SPATA17: variants seen among roughly 807,000 people sequenced by gnomAD.
SPATA17 encodes spermatogenesis associated 17.
Under a neutral mutation model 62.2 loss-of-function variants are expected in SPATA17, and 53 were observed. The ratio of observed to expected loss-of-function variants is 0.85; its 90% CI spans 0.68 to 1.07. The LOEUF is 1.07. SPATA17 is among the 50% of genes least tolerant of loss of function. The pLI is 0.00. For synonymous variants in SPATA17, 146 were observed against 146.8 expected (o/e 0.99, Z 0.04); for missense variants, 466 against 425.5 (o/e 1.10, Z -0.84).
At chr1:217,854,699 G>A (rs978661296) in intron 9 of SPATA17, among the ~76,000 whole-genome samples, 6 of 151,370 alleles carry the variant, frequency 4.0e-5, no homozygotes, top group Non-Finnish European at 7.4e-5. Flanking sequence ...CTACTAGCTG[G>A]AAAAAAAAAG....
chr1:217,782,404 A>G (rs1673752461), intron 8 of SPATA17, 82 bp downstream of exon 8: 1 of 1,388,868 alleles, frequency 7.2e-7, no homozygotes, highest in Admixed American at 2.8e-5. Flanking sequence ...TAATACTGTA[A>G]AAAATCTTTT....
At chr1:217,721,598 G>A (rs1672128708) in intron 5 of SPATA17, among the ~76,000 whole-genome samples, 1 of 152,104 alleles carries the variant, frequency 6.6e-6, no homozygotes, top group Non-Finnish European at 1.5e-5. Context: ...TGCAGACTTT[G>A]ATTCAAGGTT....
At chr1:217,674,808 C>A (rs1308048667) in intron 4 of SPATA17, among the ~76,000 whole-genome samples, 1 of 152,186 alleles carries the variant, frequency 6.6e-6, no homozygotes, top group Non-Finnish European at 1.5e-5. Context: ...TGATGTGGAG[C>A]AGATGCCTGA....
At chr1:217,777,621 C>G (rs1267966223) in intron 7 of SPATA17, among the ~76,000 whole-genome samples, 1 of 152,132 alleles carries the variant, frequency 6.6e-6, no homozygotes, top group Non-Finnish European at 1.5e-5. Flanking sequence ...AGGCCGGTCT[C>G]CAACTCCTGA....
At chr1:217,838,787 A>G (rs1675320557) in intron 9 of SPATA17, among the ~76,000 whole-genome samples, 1 of 152,040 alleles carries the variant, frequency 6.6e-6, no homozygotes, top group Non-Finnish European at 1.5e-5. Flanking sequence ...CTATATTTCT[A>G]AATATGTAGG....
chr1:217,683,437 T>C (rs1227532481), intron 5 of SPATA17, 76 bp downstream of exon 5: 3 of 973,898 alleles, frequency 3.1e-6, no homozygotes, highest in Non-Finnish European at 4.8e-6. Flanking sequence ...AACACCATAG[T>C]TAGAAATATT....
chr1:217,775,570 G>A (rs1673567877), intron 7 of SPATA17, among the ~76,000 whole-genome samples: 1 of 151,948 alleles, frequency 6.6e-6, no homozygotes. Flanking sequence ...GGACATGGTG[G>A]TGCACCCTGT....
chr1:217,749,894 G>A (rs72728828), intron 6 of SPATA17, among the ~76,000 whole-genome samples: 59,279 of 142,454 alleles, frequency 0.42, 13,936 homozygotes, highest in Non-Finnish European at 0.54. Context: ...CTCAATATGA[G>A]CATACTGATA....
At chr1:217,760,774 A>G (rs563067133) in intron 6 of SPATA17, among the ~76,000 whole-genome samples, 2 of 152,314 alleles carry the variant, frequency 1.3e-5, no homozygotes, top group East Asian at 1.9e-4. Flanking sequence ...TTTCAGCACC[A>G]AATTATCTTG....
chr1:217,698,127 C>T (rs929418586), intron 5 of SPATA17, among the ~76,000 whole-genome samples: 33 of 152,026 alleles, frequency 2.2e-4, no homozygotes, highest in African/African-American at 7.7e-4. Context: ...GAAACCCTGT[C>T]TCTAAATTTT....
At chr1:217,832,647 T>A (rs532208578) in intron 9 of SPATA17, among the ~76,000 whole-genome samples, 9 of 152,234 alleles carry the variant, frequency 5.9e-5, no homozygotes, top group African/African-American at 1.9e-4. Flanking sequence ...CACATAAAAA[T>A]AAAGTTTACT....
intron 5 of SPATA17, among the ~76,000 whole-genome samples, chr1:217,698,155 C>A (rs1414692245): frequency 4.6e-5 from 7 of 151,886 alleles, no homozygotes; most frequent in Non-Finnish European, 1.0e-4. Flanking sequence ...GTACAAAAAT[C>A]AGGCTGGGCA....
intron 6 of SPATA17, among the ~76,000 whole-genome samples, chr1:217,743,933 T>C (rs1235236620): frequency 6.6e-6 from 1 of 152,108 alleles, no homozygotes; most frequent in Non-Finnish European, 1.5e-5. Context: ...CATATTTAAC[T>C]GAACATTTGT....
chr1:217,667,623 C>T (rs1484725897), intron 3 of SPATA17, among the ~76,000 whole-genome samples: 1 of 152,134 alleles, frequency 6.6e-6, no homozygotes, highest in Non-Finnish European at 1.5e-5. Context: ...CTCAAAAGCT[C>T]ACACATTCAC....
intron 3 of SPATA17, among the ~76,000 whole-genome samples, chr1:217,653,913 C>T (rs1333693744): frequency 6.6e-6 from 1 of 152,066 alleles, no homozygotes; most frequent in Non-Finnish European, 1.5e-5. Context: ...TTAATTTATA[C>T]CATTTTAATA....
chr1:217,725,345 C>G (rs1672235864), intron 5 of SPATA17, among the ~76,000 whole-genome samples: 1 of 152,098 alleles, frequency 6.6e-6, no homozygotes, highest in South Asian at 2.1e-4. Flanking sequence ...GCTTAAATAG[C>G]TATAAAATAC....
chr1:217,822,806 G>T (rs1674900162), intron 9 of SPATA17, among the ~76,000 whole-genome samples: 1 of 150,700 alleles, frequency 6.6e-6, no homozygotes, highest in East Asian at 1.9e-4. Flanking sequence ...ATATGTATAT[G>T]AAAGTTCTAC....
intron 9 of SPATA17, among the ~76,000 whole-genome samples, chr1:217,810,077 A>T (rs1674548660): frequency 1.3e-5 from 2 of 152,174 alleles, no homozygotes; most frequent in Non-Finnish European, 2.9e-5. Flanking sequence ...CTTCTTGTGC[A>T]AAATGTGTTT....
At chr1:217,842,127 T>C (rs1675420706) in intron 9 of SPATA17, among the ~76,000 whole-genome samples, 1 of 152,002 alleles carries the variant, frequency 6.6e-6, no homozygotes. Flanking sequence ...TTATGCTGTT[T>C]TTTTAAATTA....
Sources: gnomAD v4.1 joint callset for allele counts (sites outside exome capture counted in the v4.1 genomes callset) on GRCh38, gnomAD v4.1.1 for gene constraint, MANE v1.5 for transcripts, NCBI Gene and HGNC (gene_info 2026-07-23, HGNC 2026-07-21) for gene names.